The following PTPRN2 variants were observed in gnomAD, a reference collection of about 807,000 sequenced individuals.
PTPRN2 encodes receptor-type tyrosine-protein phosphatase N2.
A neutral mutation model predicts 118.8 loss-of-function variants in PTPRN2; 74 were observed. The ratio of observed to expected loss-of-function variants is 0.62; its 90% CI spans 0.52 to 0.76. PTPRN2 has a LOEUF of 0.76. PTPRN2 is among the 30% of genes least tolerant of loss of function. PTPRN2 has a pLI of 0.00. For missense variants in PTPRN2, 1,481 were observed against 1,394.4 expected (o/e 1.06, Z -0.99); for synonymous variants, 641 against 608.0 (o/e 1.05, Z -0.80).
At chr7:157,969,825 T>C (rs1802196398) in intron 11 of PTPRN2, among the ~76,000 whole-genome samples, 2 of 151,804 alleles carry the variant, frequency 1.3e-5, no homozygotes. Context: ...GACCTGGATG[T>C]TGACTCTCCT....
At chr7:158,469,355 C>T (rs976012978) in intron 2 of PTPRN2, among the ~76,000 whole-genome samples, 1 of 152,132 alleles carries the variant, frequency 6.6e-6, no homozygotes, top group African/African-American at 2.4e-5. Flanking sequence ...GGAGCAGAAT[C>T]GTTTGAACCC....
At chr7:157,573,649 T>C (rs1799869279) in intron 19 of PTPRN2, among the ~76,000 whole-genome samples, 1 of 152,238 alleles carries the variant, frequency 6.6e-6, no homozygotes, top group African/African-American at 2.4e-5. Flanking sequence ...CATGGATAGC[T>C]GGTCAGCTCC....
chr7:158,072,774 C>T (rs73171566), intron 11 of PTPRN2, among the ~76,000 whole-genome samples: 9,234 of 152,268 alleles, frequency 0.061, 333 homozygotes, highest in Non-Finnish European at 0.084. Context: ...GCTGTGTAGC[C>T]CTGTAGGGTC....
intron 12 of PTPRN2, among the ~76,000 whole-genome samples, chr7:157,719,494 G>A (rs911988061): frequency 1.3e-5 from 2 of 152,252 alleles, no homozygotes; most frequent in Non-Finnish European, 2.9e-5. Flanking sequence ...CTCCGGCCAT[G>A]CCCTTTGCAC....
In PTPRN2 at chr7:158,517,754, G is replaced by T. The variant is rs114674255; in HGVS notation, c.113-27969C>A. 5.1e-3 allele frequency among the ~76,000 whole-genome samples: 771 copies of T among 151,320 alleles called. 11 individuals carry two copies. The highest frequency in any genetic ancestry group is 0.017 in the African/African-American group (716 of 41,250). ...ACTCATCCCCACCATAGCCAGGCAGGCCTCCAGATGCCTCCAGACTCATCC... is the reference window on the plus strand; with the variant it reads ...ACTCATCCCCACCATAGCCAGGCAGTCCTCCAGATGCCTCCAGACTCATCC... On this transcript the variant is annotated intron_variant, in intron 1 of 22. Transcript: ENST00000389418. The surrounding 1 kb of genome is among the most constrained non-coding windows in gnomAD (Gnocchi z 5.3).
chr7:158,065,756 T>C (rs976214556), intron 11 of PTPRN2, among the ~76,000 whole-genome samples: 3 of 152,244 alleles, frequency 2.0e-5, no homozygotes, highest in Non-Finnish European at 4.4e-5. Flanking sequence ...AAAAACCATA[T>C]TCTGGATTTA....
intron 9 of PTPRN2, among the ~76,000 whole-genome samples, chr7:158,130,097 G>T (rs548073128): frequency 6.6e-6 from 1 of 152,232 alleles, no homozygotes; most frequent in East Asian, 1.9e-4. Flanking sequence ...CACACTCTGC[G>T]GTTTGAGCTC....
Position 158,192,509 on chromosome 7 carries a change from AG to A in PTPRN2, c.381-15del. 3.2e-6 allele frequency: 5 copies of A among 1,571,466 alleles called. No homozygotes were observed. Among genetic ancestry groups the A allele is most frequent in the Non-Finnish European group, 4.3e-6 (5 of 1,163,460 alleles). ...TGTTTTGAGGGCCTGAAAAAGCAAA[AG>A]AAACCAGACATCAACCGCATGTTTG... is the stretch of plus-strand genomic sequence containing the variant. On this transcript the variant is annotated splice_polypyrimidine_tract_variant and intron_variant, in intron 4 of 22. Coordinates refer to ENST00000389418, the MANE Select transcript of PTPRN2 (RefSeq NM_002847.5).
chr7:157,880,420 A>C (rs1465868555), intron 12 of PTPRN2, among the ~76,000 whole-genome samples: 3 of 152,268 alleles, frequency 2.0e-5, no homozygotes, highest in Admixed American at 2.0e-4. Flanking sequence ...TTGCTTCAAC[A>C]TCAAGAATTT....
At chr7:158,023,207 C>T (rs1585219934) in intron 11 of PTPRN2, among the ~76,000 whole-genome samples, 3 of 152,078 alleles carry the variant, frequency 2.0e-5, no homozygotes, top group African/African-American at 7.2e-5. Flanking sequence ...AGAAGCCAAT[C>T]CTGGTTTATT....
chr7:158,564,024 G>A (rs1322905052), intron 1 of PTPRN2, among the ~76,000 whole-genome samples: 1 of 152,124 alleles, frequency 6.6e-6, no homozygotes, highest in Admixed American at 6.5e-5. Flanking sequence ...ATTATACAAA[G>A]ATGATACAAA....
rs117814506 is a variant in PTPRN2 at position 157,875,033 on chromosome 7, A to G, written c.1788+23640T>C. Among the ~76,000 whole-genome samples the G allele has an allele frequency of 7.3e-3, 1,107 of 151,590 alleles. 56 individuals carry two copies. The East Asian group carries it at 0.13, about 18-fold the overall frequency. On this transcript the variant is annotated intron_variant, in intron 12 of 22. Transcript: ENST00000389418. Reference sequence around the variant, plus strand: ...CACACAGACACACAGACACACGCAGACACACACACGCGCACACACAGACAC... The same window carrying G: ...CACACAGACACACAGACACACGCAGGCACACACACGCGCACACACAGACAC...
intron 1 of PTPRN2, among the ~76,000 whole-genome samples, chr7:158,566,706 T>TTTTTG (rs199539485): frequency 0.012 from 1,787 of 152,166 alleles, 29 homozygotes; most frequent in African/African-American, 0.04. Flanking sequence ...AGTGGGGTTT[T>TTTTTG]TTTTGTTTTG....
At chr7:158,483,426 T>C (rs1586773505) in intron 2 of PTPRN2, among the ~76,000 whole-genome samples, 1 of 152,206 alleles carries the variant, frequency 6.6e-6, no homozygotes, top group South Asian at 2.1e-4. Context: ...AAAATCCAAA[T>C]AGGGTTAATC....
At chr7:158,085,666 C>A (rs554695321) in intron 10 of PTPRN2, among the ~76,000 whole-genome samples, 1 of 138,106 alleles carries the variant, frequency 7.2e-6, no homozygotes, top group Non-Finnish European at 1.6e-5. Context: ...ACACCCACGA[C>A]GCCCATCCAC....
At chr7:158,550,021 G>C (rs530641443) in intron 1 of PTPRN2, among the ~76,000 whole-genome samples, 18 of 152,334 alleles carry the variant, frequency 1.2e-4, no homozygotes, top group African/African-American at 4.3e-4. Context: ...CTCGGGGCTG[G>C]GAGAGGTCGG....
chr7:158,192,780 G>A (rs1825885379), intron 4 of PTPRN2, among the ~76,000 whole-genome samples: 1 of 152,204 alleles, frequency 6.6e-6, no homozygotes, highest in African/African-American at 2.4e-5. Flanking sequence ...TGGGAAACAA[G>A]GGGAGGGGAG....
chr7:158,386,506 T>C (rs548052572), intron 2 of PTPRN2, among the ~76,000 whole-genome samples: 1 of 152,210 alleles, frequency 6.6e-6, no homozygotes, highest in African/African-American at 2.4e-5. Flanking sequence ...GGGACCAGGG[T>C]ATGCACTTTT....
At chr7:158,095,652 T>C (rs901698058) in intron 10 of PTPRN2, among the ~76,000 whole-genome samples, 3 of 152,168 alleles carry the variant, frequency 2.0e-5, no homozygotes, top group African/African-American at 7.2e-5. Flanking sequence ...TAAGCCCCTG[T>C]TATGGGCCAG....
Sources: gnomAD v4.1 joint callset for allele counts (sites outside exome capture counted in the v4.1 genomes callset) on GRCh38, gnomAD v4.1.1 for gene constraint, Gnocchi (gnomAD v3.1) non-coding constraint, MANE v1.5 for transcripts, NCBI Gene and HGNC (gene_info 2026-07-23, HGNC 2026-07-21) for gene names.